Variants in ARX observed in about 807,000 individuals in gnomAD.
ARX encodes homeobox protein ARX.
Under a neutral mutation model 23.1 loss-of-function variants are expected in ARX, and 1 was observed. The ratio of observed to expected loss-of-function variants is 0.04; its 90% CI spans 0.02 to 0.21. The LOEUF (loss-of-function observed/expected upper bound fraction) is 0.21. Among genes scored for constraint, ARX ranks in the 10% least tolerant of loss-of-function variants. The probability of loss-of-function intolerance (pLI) is 1.00; values close to 1 mark genes in which losing one functional copy is unlikely to be tolerated. For synonymous variants in ARX, 301 were observed against 270.1 expected (o/e 1.11, Z -1.12); for missense variants, 380 against 527.5 (o/e 0.72, Z 2.74).
intron 4 of ARX, 119 bp from the exon 5 acceptor site, chrX:25,005,029 A>G: frequency 1.0e-6 from 1 of 968,053 alleles, no homozygotes; most frequent in Non-Finnish European, 1.3e-6. Context: ...CGGGACCCGG[A>G]TGGGCCGCGG....
Position 25,012,968 on chromosome X carries a change from G to A in ARX, c.1027C>T (p.Leu343=), listed in dbSNP as rs370974597. The part of the protein sequence containing the change: ...TTFTSYQLEE[L]ERAFQKTHYP... ...TGCGTCTTCTGGAAGGCCCGCTCCA[G>A]TTCCTCCAGCTGGTAGCTGGTGAAC... Residue 343 remains leucine, a synonymous_variant, in exon 2 of 5, where the codon CTG becomes TTG. Transcript: ENST00000379044. The A allele has an allele frequency of 2.5e-6, 3 of 1,205,333 alleles. No homozygotes were observed. The highest frequency in any genetic ancestry group is 1.8e-5 in the South Asian group (1 of 55,778).
At chrX:25,014,837 G>A (rs2048719865) in intron 1 of ARX, among the ~76,000 whole-genome samples, 1 of 112,247 alleles carries the variant, frequency 8.9e-6, no homozygotes, top group Admixed American at 9.4e-5. Flanking sequence ...CAAGCTCGAG[G>A]CGAAACTTGA....
chrX:25,012,076 G>C (rs2048704528), intron 2 of ARX, among the ~76,000 whole-genome samples: 1 of 112,713 alleles, frequency 8.9e-6, no homozygotes, highest in Non-Finnish European at 1.9e-5. Context: ...AAACAAGTGG[G>C]AGGTGGAGCG....
At chrX:25,013,887 C>T (rs916450037) in intron 1 of ARX, 89 bp from the exon 2 acceptor site, 3 of 855,176 alleles carry the variant, frequency 3.5e-6, no homozygotes, top group African/African-American at 4.3e-5. Context: ...GTTGCTCCCC[C>T]AGTGCCTAGG....
chrX:25,007,559 C>G lies in ARX; in HGVS notation c.1120-120G>C, dbSNP rs1174407316. ...CCTTCCTTTCCACCGCGGCCCGCGCCCACCTGCCCCTCTTTGGCCTCAGGT... is the reference window on the plus strand; with the variant it reads ...CCTTCCTTTCCACCGCGGCCCGCGCGCACCTGCCCCTCTTTGGCCTCAGGT... On this transcript the variant is annotated intron_variant, in intron 3 of 4. Transcript: ENST00000379044. 4.4e-6 allele frequency: 4 copies of G among 902,993 alleles called. No homozygotes were observed. In the African/African-American group the frequency reaches 8.5e-5, roughly 19 times the overall value. 74.4% of individuals were successfully genotyped at this position (902,993 alleles called of 1,213,427 possible).
Position 25,013,636 on chromosome X carries a change from C to A in ARX, c.359G>T (p.Gly120Val). 1 of 757,453 alleles carries A rather than the reference C, an allele frequency of 1.3e-6. No individual in the cohort carries two copies. Among genetic ancestry groups the A allele is most frequent in the Non-Finnish European group, 1.6e-6 (1 of 643,333 alleles). 62.4% of individuals were successfully genotyped at this position (757,453 alleles called of 1,213,427 possible). A position where few individuals can be genotyped will look rare whatever the true frequency, so the allele number is the denominator to read the frequency against. Residue 120 changes from glycine to valine, a missense_variant, in exon 2 of 5, where the codon GGT becomes GTT. Gly to Val is a moderately radical substitution (Grantham distance 109). This residue lies in a region of ARX where 235 missense variants were observed against 270.2 expected (regional missense o/e 0.87). Transcript: ENST00000379044. ...CGGCGGAGGGGCCTCCCCGCGTGGA[C>A]CCGCCGTGGCCGTGGCGGCCGCTGC... Reference protein sequence around the residue: ...AAAAAATATAGPRGEAPPPPP... With the variant: ...AAAAAATATAVPRGEAPPPPP...
Position 25,007,351 on chromosome X carries a change from G to A in ARX, c.1208C>T (p.Pro403Leu). Residue 403 changes from proline (P) to leucine (L), a missense_variant, in exon 4 of 5, where the codon CCG becomes CTG. By Grantham distance (98) the Pro-to-Leu change is moderately conservative. Transcript: ENST00000379044. ...GCTGAGCGGGTGGGTGGCGGAGAGC[G>A]GCCCCGGGAAGGGCAGCCCAGGGGG... Reference protein sequence around the residue: ...THPPGLPFPGPLSATHPLSPY... With the variant: ...THPPGLPFPGLLSATHPLSPY... The A allele has an allele frequency of 8.7e-7, 1 of 1,145,609 alleles. No individual in the cohort carries two copies. Among genetic ancestry groups the A allele is most frequent in the South Asian group, 2.0e-5 (1 of 51,141 alleles). 94.4% of individuals were successfully genotyped at this position (1,145,609 alleles called of 1,213,427 possible).
chrX:25,006,366 C>T (rs771352663), intron 4 of ARX, among the ~76,000 whole-genome samples: 1 of 112,559 alleles, frequency 8.9e-6, no homozygotes, highest in Non-Finnish European at 1.9e-5. Context: ...TCTATTATTT[C>T]TTTGTTCTCC....
intron 4 of ARX, 63 bp from the exon 5 acceptor site, chrX:25,004,973 G>C: frequency 9.5e-7 from 1 of 1,055,776 alleles, no homozygotes; most frequent in Non-Finnish European, 1.2e-6. Flanking sequence ...CTCGGGCAGC[G>C]TCTCCCGCCG....
chrX:25,006,105 T>C (rs2048676677), intron 4 of ARX: 1 of 111,943 alleles, frequency 8.9e-6, no homozygotes, highest in African/African-American at 3.3e-5. Context: ...GGTTTACAAG[T>C]CACTTGTCAG....
At chrX:25,011,204 C>A (rs994964569) in intron 2 of ARX, among the ~76,000 whole-genome samples, 2 of 112,361 alleles carry the variant, frequency 1.8e-5, no homozygotes, top group African/African-American at 6.5e-5. Flanking sequence ...GCCGGTAGGC[C>A]CCCAGTCCAC....
intron 1 of ARX, among the ~76,000 whole-genome samples, chrX:25,015,266 G>A (rs1277049920): frequency 4.6e-5 from 5 of 108,684 alleles, no homozygotes; most frequent in Admixed American, 9.7e-5. Context: ...CACACCCAAG[G>A]CCACCAAAAG....
In ARX at chrX:25,004,339, AT is replaced by A; in HGVS notation, c.*330del. 4.2e-6 allele frequency: 1 copy of A among 240,831 alleles called. No homozygotes were observed. The highest frequency in any genetic ancestry group is 7.3e-6 in the Non-Finnish European group (1 of 136,330). 19.8% of individuals were successfully genotyped at this position (240,831 alleles called of 1,213,427 possible). A position where few individuals can be genotyped will look rare whatever the true frequency, so the allele number is the denominator to read the frequency against. On this transcript the variant is annotated 3_prime_UTR_variant, in exon 5 of 5. Transcript: ENST00000379044. ...AGGAGGAAGAGGTTGGGCTTTTTAA[AT>A]TTTTTACTTCAATATCAGGCGTCTG... is the stretch of plus-strand genomic sequence containing the variant.
chrX:25,012,562 C>G (rs2048706308), intron 2 of ARX, among the ~76,000 whole-genome samples: 1 of 113,094 alleles, frequency 8.8e-6, no homozygotes, highest in Non-Finnish European at 1.9e-5. Flanking sequence ...CTCCGGAGGC[C>G]TTGTGTCTGT....
chrX:25,009,956 A>G (rs2048694882), intron 3 of ARX, among the ~76,000 whole-genome samples: 2 of 110,906 alleles, frequency 1.8e-5, no homozygotes, highest in African/African-American at 6.6e-5. Context: ...ATTGTTTCCT[A>G]TAGGAGCTTT....
At chrX:25,008,506 G>T (rs914630157) in intron 3 of ARX, among the ~76,000 whole-genome samples, 4 of 111,896 alleles carry the variant, frequency 3.6e-5, no homozygotes, top group Non-Finnish European at 7.5e-5. Flanking sequence ...AAACATGGCA[G>T]CTACCATCAT....
chrX:25,014,524 T>TG (rs942435075), intron 1 of ARX, among the ~76,000 whole-genome samples: 6 of 111,331 alleles, frequency 5.4e-5, no homozygotes, highest in Admixed American at 3.8e-4. Context: ...CGGGAGAGGG[T>TG]GGGGGGGCTT....
chrX:25,004,967 G>C, intron 4 of ARX, 57 bp from the exon 5 acceptor site: 1 of 1,061,456 alleles, frequency 9.4e-7, no homozygotes. Flanking sequence ...CGGCGCCTCG[G>C]GCAGCGTCTC....
At chrX:25,009,651 C>T (rs1216837675) in intron 3 of ARX, among the ~76,000 whole-genome samples, 1 of 111,623 alleles carries the variant, frequency 9.0e-6, no homozygotes, top group African/African-American at 3.3e-5. Flanking sequence ...TGGTATGGGG[C>T]TGCAAACACC....
Sources: gnomAD v4.1 joint callset for allele counts (sites outside exome capture counted in the v4.1 genomes callset) on GRCh38, gnomAD v4.1.1 for gene constraint, gnomAD v4.1.1 regional missense constraint, MANE v1.5 for transcripts, NCBI Gene and HGNC (gene_info 2026-07-23, HGNC 2026-07-21) for gene names.